The following SGCZ variants were observed in gnomAD, a reference collection of about 807,000 sequenced individuals.
SGCZ encodes zeta-sarcoglycan.
A neutral mutation model predicts 41.3 loss-of-function variants in SGCZ; 40 were observed. The ratio of observed to expected loss-of-function variants is 0.97; its 90% CI spans 0.75 to 1.26. The LOEUF (loss-of-function observed/expected upper bound fraction) is 1.26. SGCZ is among the 50% of genes most tolerant of loss of function. The pLI is 0.00. For synonymous variants in SGCZ, 206 were observed against 137.5 expected (o/e 1.50, Z -3.49); for missense variants, 552 against 369.8 (o/e 1.49, Z -4.04).
At chr8:14,180,477 C>T (rs1804686169) in intron 4 of SGCZ, among the ~76,000 whole-genome samples, 1 of 152,018 alleles carries the variant, frequency 6.6e-6, no homozygotes, top group Non-Finnish European at 1.5e-5. Flanking sequence ...AAGAACGTAT[C>T]CAACACTGAG....
At chr8:14,804,622 T>C (rs1030391389) in intron 1 of SGCZ, among the ~76,000 whole-genome samples, 52 of 145,874 alleles carry the variant, frequency 3.6e-4, no homozygotes, top group African/African-American at 1.1e-3. Context: ...CTGAAAGTGA[T>C]GCAGAGAATG....
chr8:14,733,149 G>T (rs891985106), intron 1 of SGCZ, among the ~76,000 whole-genome samples: 3 of 152,040 alleles, frequency 2.0e-5, no homozygotes. Context: ...CTTTCAAAGG[G>T]CTCTGACACT....
chr8:14,237,568 C>A (rs534113648), intron 4 of SGCZ, 24 bp downstream of exon 4: 1 of 1,603,188 alleles, frequency 6.2e-7, no homozygotes, highest in Admixed American at 1.7e-5. Flanking sequence ...ACAGTAGGAG[C>A]AATCTTTACC....
At chr8:15,063,071 T>A (rs1370657724) in intron 1 of SGCZ, among the ~76,000 whole-genome samples, 1 of 152,144 alleles carries the variant, frequency 6.6e-6, no homozygotes, top group Non-Finnish European at 1.5e-5. Context: ...GTTTGCCTAG[T>A]AAAATCCTGC....
chr8:14,741,811 T>C (rs1280721509), intron 1 of SGCZ, among the ~76,000 whole-genome samples: 1 of 152,008 alleles, frequency 6.6e-6, no homozygotes, highest in Non-Finnish European at 1.5e-5. Context: ...AGATAGACAA[T>C]TATGTCGGTA....
chr8:14,788,423 A>G (rs1800842320), intron 1 of SGCZ, among the ~76,000 whole-genome samples: 1 of 152,204 alleles, frequency 6.6e-6, no homozygotes, highest in African/African-American at 2.4e-5. Flanking sequence ...ATGTCTGTGG[A>G]AATCAAATGA....
intron 2 of SGCZ, among the ~76,000 whole-genome samples, chr8:14,349,917 G>T (rs1012324): frequency 0.056 from 8,566 of 152,130 alleles, 702 homozygotes; most frequent in African/African-American, 0.18. Context: ...AAAAGCTCAG[G>T]AAAGTCGTGT....
At chr8:15,107,397 G>T (rs1806872499) in intron 1 of SGCZ, among the ~76,000 whole-genome samples, 1 of 152,148 alleles carries the variant, frequency 6.6e-6, no homozygotes, top group East Asian at 1.9e-4. Flanking sequence ...CTCATGCATA[G>T]ATTAATAACC....
At chr8:14,951,823 T>C (rs957733138) in intron 1 of SGCZ, among the ~76,000 whole-genome samples, 3 of 152,216 alleles carry the variant, frequency 2.0e-5, no homozygotes, top group East Asian at 1.9e-4. Flanking sequence ...AAATTAGTCA[T>C]GTATAGCAGA....
intron 1 of SGCZ, among the ~76,000 whole-genome samples, chr8:14,943,373 A>G (rs1800338309): frequency 6.6e-6 from 1 of 152,196 alleles, no homozygotes; most frequent in African/African-American, 2.4e-5. Context: ...TCAAAAAGGC[A>G]CTAAGTACCT....
chr8:14,287,595 T>C (rs780606571), intron 3 of SGCZ, among the ~76,000 whole-genome samples: 26 of 152,150 alleles, frequency 1.7e-4, no homozygotes, highest in Non-Finnish European at 3.1e-4. Context: ...AGCATTGCCA[T>C]CTAAACATTA....
chr8:14,092,557 G>C (rs1012170636), intron 7 of SGCZ, among the ~76,000 whole-genome samples: 6 of 152,108 alleles, frequency 3.9e-5, no homozygotes, highest in East Asian at 2.0e-4. Flanking sequence ...TGTATTGTGG[G>C]AGGGACCCAG....
chr8:14,911,167 C>T (rs1415294605), intron 1 of SGCZ, among the ~76,000 whole-genome samples: 1 of 152,014 alleles, frequency 6.6e-6, no homozygotes, highest in Non-Finnish European at 1.5e-5. Context: ...ACAGAGTAAG[C>T]AGATAATGGC....
intron 1 of SGCZ, among the ~76,000 whole-genome samples, chr8:15,123,691 C>A (rs1308523241): frequency 6.6e-6 from 1 of 152,078 alleles, no homozygotes; most frequent in Non-Finnish European, 1.5e-5. Flanking sequence ...AAGTATGACA[C>A]CAGGACAAAG....
intron 1 of SGCZ, among the ~76,000 whole-genome samples, chr8:14,770,734 C>A (rs1445688398): frequency 2.0e-5 from 3 of 152,048 alleles, no homozygotes; most frequent in African/African-American, 7.2e-5. Flanking sequence ...GACATAGTAT[C>A]TGCCACCAAA....
rs375823769 is a variant in SGCZ, at chr8:14,665,947, T to G, written c.40-111021A>C. 2.6e-5 allele frequency among the ~76,000 whole-genome samples: 4 copies of G among 152,342 alleles called. No individual in the cohort carries two copies. The East Asian group carries it at 7.7e-4, about 29-fold the overall frequency. On this transcript the variant is annotated intron_variant, in intron 1 of 7. Coordinates refer to ENST00000382080, the MANE Select transcript of SGCZ (RefSeq NM_139167.4). ...TAAACTTCAAAAATGCAAGTAATTC[T>G]AATGAAGGGATTTGAGGAAAAATTG...
At chr8:14,598,055 G>C (rs1451079617) in intron 1 of SGCZ, among the ~76,000 whole-genome samples, 1 of 152,132 alleles carries the variant, frequency 6.6e-6, no homozygotes, top group Non-Finnish European at 1.5e-5. Context: ...CAAAAATTAT[G>C]AGTATACTTA....
chr8:14,635,251 T>C (rs1254785463), intron 1 of SGCZ, among the ~76,000 whole-genome samples: 1 of 151,912 alleles, frequency 6.6e-6, no homozygotes, highest in Non-Finnish European at 1.5e-5. Flanking sequence ...TATCTCCATT[T>C]CCATTTACTT....
chr8:14,673,403 GCT>G (rs1007042146), intron 1 of SGCZ, among the ~76,000 whole-genome samples: 29 of 151,882 alleles, frequency 1.9e-4, no homozygotes, highest in African/African-American at 6.3e-4. Context: ...AGTTTCACCT[GCT>G]CTCTCTCGCG....
Sources: allele counts gnomAD v4.1 joint callset (sites outside exome capture counted in the v4.1 genomes callset), GRCh38; gene constraint gnomAD v4.1.1; transcripts MANE v1.5; gene names NCBI Gene and HGNC (gene_info 2026-07-23, HGNC 2026-07-21).